SLC17A5: variants seen among roughly 807,000 people sequenced by gnomAD.
SLC17A5 encodes the protein sialin.
SLC17A5 carries 47 observed loss-of-function variants against 59.4 expected under a neutral mutation model. The ratio of observed to expected loss-of-function variants is 0.79; its 90% CI spans 0.63 to 1.01. SLC17A5 has a LOEUF of 1.01. Ranked by LOEUF, SLC17A5 falls within the 50% of genes least tolerant of loss-of-function variation. The pLI is 0.00. For synonymous variants in SLC17A5, 202 were observed against 210.7 expected (o/e 0.96, Z 0.36); for missense variants, 522 against 595.5 (o/e 0.88, Z 1.28).
chr6:73,620,404 G>C (rs1213360118), intron 7 of SLC17A5, among the ~76,000 whole-genome samples: 1 of 152,072 alleles, frequency 6.6e-6, no homozygotes, highest in Non-Finnish European at 1.5e-5. Context: ...TTATAATCAG[G>C]CTCTGTTAAC....
intron 6 of SLC17A5, among the ~76,000 whole-genome samples, chr6:73,629,828 T>C (rs1263043405): frequency 6.6e-6 from 1 of 152,012 alleles, no homozygotes; most frequent in Non-Finnish European, 1.5e-5. Flanking sequence ...AAATAGCAGA[T>C]ATATAGGAAA....
chr6:73,594,986 A>T lies in SLC17A5; in HGVS notation c.*91T>A. 7.3e-7 allele frequency: 1 copy of T among 1,368,118 alleles called. No homozygotes were observed. The highest frequency in any genetic ancestry group is 1.0e-6 in the Non-Finnish European group (1 of 961,224). 84.7% of individuals were successfully genotyped at this position (1,368,118 alleles called of 1,614,324 possible). On this transcript the variant is annotated 3_prime_UTR_variant, in exon 11 of 11. Transcript: ENST00000355773. ...CTAATACAAGTACAATTAAAAAAAGACATAGAATGCTTACACAATACAGAA... is the reference window on the plus strand; with the variant it reads ...CTAATACAAGTACAATTAAAAAAAGTCATAGAATGCTTACACAATACAGAA...
intron 9 of SLC17A5, among the ~76,000 whole-genome samples, chr6:73,604,189 G>T (rs1767292457): frequency 6.6e-6 from 1 of 151,646 alleles, no homozygotes; most frequent in Non-Finnish European, 1.5e-5. Flanking sequence ...GGAGTCAACT[G>T]CAATGTTGCC....
At chr6:73,626,215 A>T (rs1768404410) in intron 6 of SLC17A5, among the ~76,000 whole-genome samples, 1 of 152,220 alleles carries the variant, frequency 6.6e-6, no homozygotes, top group Admixed American at 6.5e-5. Context: ...AGTTTTTGAT[A>T]ATCTGATGTT....
intron 6 of SLC17A5, among the ~76,000 whole-genome samples, chr6:73,630,142 G>A (rs553281617): frequency 2.6e-5 from 4 of 152,008 alleles, no homozygotes; most frequent in Admixed American, 6.6e-5. Flanking sequence ...ACAGGCACAC[G>A]CTACGACGCC....
chr6:73,615,275 A>G (rs763736464), intron 8 of SLC17A5, 40 bp downstream of exon 8: 2 of 1,610,286 alleles, frequency 1.2e-6, no homozygotes, highest in South Asian at 1.1e-5. Flanking sequence ...AACATGGTAA[A>G]TAACTGTAAA....
At chr6:73,624,702 C>T (rs113744128) in intron 6 of SLC17A5, among the ~76,000 whole-genome samples, 16,229 of 151,944 alleles carry the variant, frequency 0.11, 1,046 homozygotes, top group Middle Eastern at 0.18. Flanking sequence ...GGTGAAACCC[C>T]GTCTCTACTA....
At chr6:73,650,809 A>C (rs1769825000) in intron 1 of SLC17A5, among the ~76,000 whole-genome samples, 1 of 152,192 alleles carries the variant, frequency 6.6e-6, no homozygotes, top group African/African-American at 2.4e-5. Context: ...CTATAAGGGC[A>C]GGAGCTTTTG....
intron 3 of SLC17A5, 97 bp downstream of exon 3, chr6:73,641,593 TA>T (rs1205222601): frequency 5.0e-5 from 44 of 872,822 alleles, no homozygotes; most frequent in Non-Finnish European, 7.6e-5. Context: ...CATCCAACGT[TA>T]TTTTTTGGTT....
intron 2 of SLC17A5, 77 bp from the exon 3 acceptor site, chr6:73,642,001 G>T: frequency 1.6e-6 from 2 of 1,257,134 alleles, no homozygotes; most frequent in Non-Finnish European, 2.3e-6. Flanking sequence ...TGGCATGTAA[G>T]TACATATAAA....
intron 1 of SLC17A5, chr6:73,645,450 G>A: frequency 1.0e-6 from 1 of 985,216 alleles, no homozygotes; most frequent in Non-Finnish European, 1.2e-6. Flanking sequence ...AGCGTAAAGG[G>A]CTCACAGTAA....
At chr6:73,650,415 G>A (rs1273331506) in intron 1 of SLC17A5, among the ~76,000 whole-genome samples, 4 of 149,292 alleles carry the variant, frequency 2.7e-5, no homozygotes, top group Non-Finnish European at 4.4e-5. Context: ...GGCTGAGGCA[G>A]GAGAATGGCA....
In SLC17A5 at chr6:73,610,543, C is replaced by A. The variant is rs1482006763; in HGVS notation, c.1116G>T (p.Met372Ile). ...CVRRIFSLIG[M>I]IGPAVFLVAA... ...CTACCAGGAATACTGCAGGTCCAAT[C>A]ATTCCTGGAGTTAAAAAGTTATAAA... is the stretch of plus-strand genomic sequence containing the variant. Residue 372 changes from methionine (M) to isoleucine (I), a missense_variant, in exon 9 of 11, where the codon ATG becomes ATT. Coordinates refer to ENST00000355773, the MANE Select transcript of SLC17A5 (RefSeq NM_012434.5). The A allele has an allele frequency of 1.6e-5, 26 of 1,614,074 alleles. No individual in the cohort carries two copies. Among genetic ancestry groups the A allele is most frequent in the Non-Finnish European group, 1.8e-5 (21 of 1,179,996 alleles).
intron 8 of SLC17A5, among the ~76,000 whole-genome samples, chr6:73,613,689 G>A (rs1331138689): frequency 6.6e-6 from 1 of 152,162 alleles, no homozygotes; most frequent in African/African-American, 2.4e-5. Context: ...TCCTCAAAAT[G>A]TATGATTCAA....
intron 8 of SLC17A5, among the ~76,000 whole-genome samples, chr6:73,614,289 T>C (rs1767756241): frequency 6.6e-6 from 1 of 151,530 alleles, no homozygotes; most frequent in Admixed American, 6.6e-5. Flanking sequence ...AGAAAAGAAA[T>C]ATGGCCAGTG....
intron 9 of SLC17A5, among the ~76,000 whole-genome samples, chr6:73,604,641 G>A (rs189417362): frequency 9.3e-4 from 140 of 150,834 alleles, no homozygotes; most frequent in African/African-American, 3.3e-3. Flanking sequence ...AGACCCGCTC[G>A]CTACTCAGGA....
intron 1 of SLC17A5, chr6:73,653,204 T>C (rs890057167): frequency 6.1e-6 from 6 of 985,334 alleles, no homozygotes; most frequent in Non-Finnish European, 6.0e-6. Context: ...AGTTGCCCTC[T>C]GCATACTCAC....
At chr6:73,612,695 C>CTTTATTTATTT (rs1767684669) in intron 8 of SLC17A5, among the ~76,000 whole-genome samples, 1 of 152,108 alleles carries the variant, frequency 6.6e-6, no homozygotes, top group Non-Finnish European at 1.5e-5. Context: ...TCACCTTAGC[C>CTTTATTTATTT]TCTGGAGTAG....
chr6:73,619,316 T>C (rs189569321), intron 7 of SLC17A5, among the ~76,000 whole-genome samples: 2 of 152,130 alleles, frequency 1.3e-5, no homozygotes, highest in East Asian at 1.9e-4. Flanking sequence ...AAAAATACAA[T>C]ATTTGCAGAG....
Sources: gnomAD v4.1 joint callset for allele counts (sites outside exome capture counted in the v4.1 genomes callset) on GRCh38, gnomAD v4.1.1 for gene constraint, MANE v1.5 for transcripts, NCBI Gene and HGNC (gene_info 2026-07-23, HGNC 2026-07-21) for gene names.